DNAH11: variants seen among roughly 807,000 people sequenced by gnomAD.
DNAH11 encodes dynein axonemal heavy chain 11, also known as axonemal beta dynein heavy chain 11.
DNAH11 carries 442 observed loss-of-function variants against 526.0 expected under a neutral mutation model. The ratio of observed to expected loss-of-function variants is 0.84; its 90% CI spans 0.78 to 0.91. The LOEUF is 0.91. Among genes scored for constraint, DNAH11 ranks in the 40% least tolerant of loss-of-function variants. The pLI, the probability that DNAH11 is intolerant of heterozygous loss-of-function variation, is 0.00. For missense variants in DNAH11, 6,989 were observed against 5,448.7 expected (o/e 1.28, Z -8.90); for synonymous variants, 2,461 against 1,935.9 (o/e 1.27, Z -7.12).
chr7:21,587,561 G>A (rs1298596703), intron 9 of DNAH11, among the ~76,000 whole-genome samples: 1 of 152,086 alleles, frequency 6.6e-6, no homozygotes, highest in Admixed American at 6.5e-5. Context: ...GACACTGTTG[G>A]GGGTGGCTGG....
intron 28 of DNAH11, among the ~76,000 whole-genome samples, chr7:21,649,272 A>G (rs1250884060): frequency 6.6e-6 from 1 of 152,238 alleles, no homozygotes; most frequent in Non-Finnish European, 1.5e-5. Context: ...ATTTTTATCT[A>G]GCAGTTCACC....
chr7:21,610,401 C>T (rs896967057), intron 20 of DNAH11, among the ~76,000 whole-genome samples: 2 of 152,058 alleles, frequency 1.3e-5, no homozygotes, highest in Admixed American at 1.3e-4. Context: ...AAGTATCTTC[C>T]TAGTAACTAG....
intron 62 of DNAH11, 122 bp from the exon 63 acceptor site, chr7:21,807,761 T>G: frequency 1.2e-6 from 1 of 849,384 alleles, no homozygotes; most frequent in Non-Finnish European, 1.7e-6. Context: ...CCCGTTACAC[T>G]CTGTTCCTTA....
chr7:21,766,413 G>T (rs985625707), intron 55 of DNAH11, among the ~76,000 whole-genome samples: 7 of 152,254 alleles, frequency 4.6e-5, no homozygotes, highest in East Asian at 1.9e-4. Flanking sequence ...AAGGTGAAAG[G>T]TTCCTAGAAT....
At chr7:21,640,651 C>G (rs1162789774) in intron 28 of DNAH11, among the ~76,000 whole-genome samples, 2 of 152,118 alleles carry the variant, frequency 1.3e-5, no homozygotes, top group African/African-American at 2.4e-5. Flanking sequence ...TGCCGAGTCT[C>G]TTTGCCCAGG....
chr7:21,844,204 G>C (rs568552747), intron 66 of DNAH11, among the ~76,000 whole-genome samples: 1 of 152,046 alleles, frequency 6.6e-6, no homozygotes, highest in Admixed American at 6.6e-5. Flanking sequence ...CTTGAGGGAA[G>C]ATCACTTGAG....
In DNAH11 at chr7:21,793,881, C is replaced by G. The variant is rs183134550; in HGVS notation, c.10026+4539C>G. Among the ~76,000 whole-genome samples, 313 of 152,258 alleles carry G rather than the reference C, an allele frequency of 2.1e-3. 6 individuals carry two copies. Among genetic ancestry groups the G allele is most frequent in the East Asian group, 7.7e-4 (4 of 5,178 alleles). ...CTTTCTACATCTTGCTCTTTTTAAA[C>G]TCCCTCTTGAACTCCAGTGACTGTT... On this transcript the variant is annotated intron_variant, in intron 61 of 81. Transcript: ENST00000409508.
intron 68 of DNAH11, among the ~76,000 whole-genome samples, chr7:21,856,091 GT>G (rs1782836362): frequency 6.6e-6 from 1 of 152,162 alleles, no homozygotes; most frequent in African/African-American, 2.4e-5. Flanking sequence ...TGGCTGCAGG[GT>G]AATGAGCAAG....
At chr7:21,708,619 G>C (rs1291828373) in intron 40 of DNAH11, among the ~76,000 whole-genome samples, 1 of 152,102 alleles carries the variant, frequency 6.6e-6, no homozygotes, top group Admixed American at 6.5e-5. Context: ...TATGGGATTG[G>C]ATCCCTGCCC....
At chr7:21,551,267 T>A (rs768331977) in intron 2 of DNAH11, among the ~76,000 whole-genome samples, 2 of 152,188 alleles carry the variant, frequency 1.3e-5, no homozygotes, top group Non-Finnish European at 2.9e-5. Flanking sequence ...GTCTTCTAAT[T>A]TCCTCGTCCA....
At chr7:21,618,043 C>T (rs567581135) in intron 23 of DNAH11, among the ~76,000 whole-genome samples, 1 of 152,274 alleles carries the variant, frequency 6.6e-6, no homozygotes, top group Admixed American at 6.5e-5. Flanking sequence ...CTGGTGTCCA[C>T]GTTCAGTACA....
rs536865462 is a variant in DNAH11 at position 21,559,552 on chromosome 7, T to C, written c.693-51T>C. 8.6e-5 allele frequency: 121 copies of C among 1,407,768 alleles called. 1 individual carries two copies. The South Asian group carries it at 1.5e-3, about 17-fold the overall frequency. The allele number at this position is 1,407,768 out of a possible 1,614,324, so 87.2% of individuals were successfully genotyped here. A position where few individuals can be genotyped will look rare whatever the true frequency, so the allele number is the denominator to read the frequency against. ...AAAATAACTATTAAAGTCTATGTCT[T>C]TGGATAAAATGATTCATCTTTGAAT... On this transcript the variant is annotated intron_variant, in intron 3 of 81. Transcript: ENST00000409508.
In DNAH11 at chr7:21,561,079, A is replaced by T; in HGVS notation, c.891A>T (p.Ala297=). ...TTTTTCCTTTAACTTAGCTTCAGGC[A>T]CCTGTTGTCCTCAAAATGGTTAAGA... The part of the protein sequence containing the change: ...NLSCIYDQLQ[A]PVVLKMVKIL... The change falls in exon 5 of 82, where the codon GCA becomes GCT. Residue 297 remains alanine, a synonymous_variant. Coordinates refer to ENST00000409508, the MANE Select transcript of DNAH11 (RefSeq NM_001277115.2). The T allele has an allele frequency of 6.3e-7, 1 of 1,596,162 alleles. No individual in the cohort carries two copies. The highest frequency in any genetic ancestry group is 8.5e-7 in the Non-Finnish European group (1 of 1,170,636).
In DNAH11 at chr7:21,900,126, ACACCCCAAGGGGTAAGT is replaced by A. The variant is rs768514656; in HGVS notation, c.13303+7_13303+23del. On this transcript the variant is annotated splice_region_variant and intron_variant, in intron 81 of 81. Coordinates refer to ENST00000409508, the MANE Select transcript of DNAH11 (RefSeq NM_001277115.2). The stretch of plus-strand genomic sequence containing the variant: ...CCACGGACTCTTCATGGAGGGTAAG[ACACCCCAAGGGGTAAGT>A]GGGGAACCTTTTCTTACTCAGGTTC... 7 of 1,609,254 alleles carry A rather than the reference ACACCCCAAGGGGTAAGT, an allele frequency of 4.3e-6. No homozygotes were observed. The highest frequency in any genetic ancestry group is 5.9e-6 in the Non-Finnish European group (7 of 1,177,286).
rs11974752 is a variant in DNAH11 at position 21,545,392 on chromosome 7, A to G, written c.495+243A>G. ...TCATGCTTACTGATGCTAATATTCA[A>G]CAGGTGGCAATTGCAGGGATCATTC... On this transcript the variant is annotated intron_variant, in intron 2 of 81. Transcript: ENST00000409508. Among the ~76,000 whole-genome samples the G allele has an allele frequency of 3.5e-3, 525 of 152,000 alleles. 2 individuals are homozygous for G. Among genetic ancestry groups the G allele is most frequent in the African/African-American group, 0.012 (502 of 41,430 alleles).
intron 30 of DNAH11, among the ~76,000 whole-genome samples, chr7:21,668,414 C>G (rs1225903051): frequency 6.6e-6 from 1 of 152,154 alleles, no homozygotes; most frequent in East Asian, 1.9e-4. Flanking sequence ...CAGAATGTTT[C>G]TCTTGTAACA....
chr7:21,651,052 A>T lies in DNAH11; in HGVS notation c.4945-4780A>T, dbSNP rs16872826. 9.2e-5 allele frequency among the ~76,000 whole-genome samples: 14 copies of T among 152,068 alleles called. No homozygotes were observed. The South Asian group carries it at 2.7e-3, about 29-fold the overall frequency. On this transcript the variant is annotated intron_variant, in intron 28 of 81. Coordinates refer to ENST00000409508, the MANE Select transcript of DNAH11 (RefSeq NM_001277115.2). ...TCATGGACTCACTTTATCTCATTCTAGAGAATATCATCCACAAAAGACCAG... is the reference window on the plus strand; with the variant it reads ...TCATGGACTCACTTTATCTCATTCTTGAGAATATCATCCACAAAAGACCAG...
At position 21,588,076 on chromosome 7, in the gene DNAH11, T is replaced by C. The variant is rs747110907; in HGVS notation, c.1723T>C (p.Phe575Leu). Reference sequence around the variant, plus strand: ...TTGATTTTTATAGCTTTTGACCATATTTGGAAATTTTCTAGAGAAGCCAGT... The same window carrying C: ...TTGATTTTTATAGCTTTTGACCATACTTGGAAATTTTCTAGAGAAGCCAGT... ...LEAAFKLLTI[F>L]GNFLEKPVVM... The change falls in exon 10 of 82, where the codon TTT (phenylalanine) becomes CTT (leucine). Residue 575 changes from phenylalanine (F) to leucine (L), a missense_variant. By Grantham distance (22) the Phe-to-Leu change is conservative (BLOSUM62 0). Transcript: ENST00000409508. 4 of 1,613,048 alleles carry C rather than the reference T, an allele frequency of 2.5e-6. No homozygotes were observed. In the African/African-American group the frequency reaches 5.3e-5, roughly 22 times the overall value.
At chr7:21,623,095 C>A (rs1223298173) in intron 25 of DNAH11, among the ~76,000 whole-genome samples, 1 of 151,660 alleles carries the variant, frequency 6.6e-6, no homozygotes, top group Non-Finnish European at 1.5e-5. Context: ...TATCCAGAAT[C>A]TACAATGAAC....
Sources: gnomAD v4.1 joint callset for allele counts (sites outside exome capture counted in the v4.1 genomes callset) on GRCh38, gnomAD v4.1.1 for gene constraint, MANE v1.5 for transcripts, NCBI Gene and HGNC (gene_info 2026-07-23, HGNC 2026-07-21) for gene names.